The following TMEM178B variants were observed in gnomAD, a reference collection of about 807,000 sequenced individuals.
TMEM178B encodes the protein transmembrane protein 178B.
A neutral mutation model predicts 31.0 loss-of-function variants in TMEM178B; 5 were observed. The observed-to-expected ratio is 0.16, with a 90% CI of 0.08 to 0.34. TMEM178B has a LOEUF of 0.34. Ranked by LOEUF, TMEM178B falls within the 10% of genes least tolerant of loss-of-function variation. The probability of loss-of-function intolerance (pLI) is 1.00; values close to 1 mark genes in which losing one functional copy is unlikely to be tolerated. For missense variants in TMEM178B, 275 were observed against 400.3 expected, an observed-to-expected ratio of 0.69 and a Z score of 2.67; for synonymous variants, 164 against 164.0, an observed-to-expected ratio of 1.00 and a Z score of 0.00.
rs532448765 is a variant in TMEM178B at position 141,410,863 on chromosome 7, A to G, written c.497-26745A>G. 3.9e-5 allele frequency among the ~76,000 whole-genome samples: 6 copies of G among 152,356 alleles called. No homozygotes were observed. The South Asian group carries it at 8.3e-4, about 21-fold the overall frequency. ...AACTTGAAAATGATGAAGATAATCA[A>G]TTGTACTACAGTGTTGTAAAAGGCC... On this transcript the variant is annotated intron_variant, in intron 2 of 3. Coordinates refer to ENST00000565468, the MANE Select transcript of TMEM178B (RefSeq NM_001195278.2).
At chr7:141,216,462 C>CGCGT (rs1554463836) in intron 2 of TMEM178B, among the ~76,000 whole-genome samples, 1 of 94,940 alleles carries the variant, frequency 1.1e-5, no homozygotes, top group African/African-American at 3.8e-5. Flanking sequence ...CGCGCGCGCG[C>CGCGT]GTGTGTGTGT....
intron 1 of TMEM178B, among the ~76,000 whole-genome samples, chr7:141,146,392 A>G (rs1430733000): frequency 3.9e-5 from 6 of 152,204 alleles, no homozygotes; most frequent in Non-Finnish European, 8.8e-5. Flanking sequence ...AGGGTCTTGT[A>G]TTGCAAGGTG....
At chr7:141,226,159 A>G (rs1797338495) in intron 2 of TMEM178B, among the ~76,000 whole-genome samples, 5 of 152,110 alleles carry the variant, frequency 3.3e-5, no homozygotes, top group Non-Finnish European at 7.4e-5. Flanking sequence ...TTGCCAAGGA[A>G]ACTAGAAAAA....
chr7:141,170,356 T>G (rs1164213891), intron 1 of TMEM178B, among the ~76,000 whole-genome samples: 2 of 152,152 alleles, frequency 1.3e-5, no homozygotes, highest in African/African-American at 4.8e-5. Flanking sequence ...CCAAAATAGG[T>G]ATAATCCGTC....
intron 2 of TMEM178B, among the ~76,000 whole-genome samples, chr7:141,385,592 A>T (rs1000717094): frequency 2.0e-5 from 3 of 151,936 alleles, no homozygotes; most frequent in African/African-American, 7.3e-5. Context: ...AAATATTAGC[A>T]AACAGTGTTT....
At chr7:141,506,521 T>G in the TMEM178B span, among the ~76,000 whole-genome samples, 105 of 152,232 alleles carry the variant, frequency 6.9e-4, 2 homozygotes, top group East Asian at 0.015. Flanking sequence ...TTCACTATCA[T>G]GAGAATAGCA....
intron 1 of TMEM178B, among the ~76,000 whole-genome samples, chr7:141,160,458 C>T (rs1796151269): frequency 6.6e-6 from 1 of 152,160 alleles, no homozygotes; most frequent in African/African-American, 2.4e-5. Flanking sequence ...CCTCCTTGCC[C>T]CTCCTTCCCT....
At chr7:141,498,070 C>T in the TMEM178B span, among the ~76,000 whole-genome samples, 1 of 152,204 alleles carries the variant, frequency 6.6e-6, no homozygotes. Flanking sequence ...TAATACCTCA[C>T]CCTGCAATAA....
rs1802304535 is a variant in TMEM178B at position 141,473,880 on chromosome 7, A to G, written c.*3094A>G. 1 of 152,170 alleles carries G rather than the reference A, an allele frequency of 6.6e-6. No individual in the cohort carries two copies. Among genetic ancestry groups the G allele is most frequent in the African/African-American group, 2.4e-5 (1 of 41,418 alleles). 9.4% of individuals were successfully genotyped at this position (152,170 alleles called of 1,614,324 possible). A position where few individuals can be genotyped will look rare whatever the true frequency, so the allele number is the denominator to read the frequency against. Reference sequence around the variant, plus strand: ...CATAAGGGCTTGACCACAGATTAAAACATGTGACTCCAACCAGTTACGGAA... The same window carrying G: ...CATAAGGGCTTGACCACAGATTAAAGCATGTGACTCCAACCAGTTACGGAA... On this transcript the variant is annotated 3_prime_UTR_variant, in exon 4 of 4. Transcript: ENST00000565468.
intron 2 of TMEM178B, among the ~76,000 whole-genome samples, chr7:141,253,277 C>A (rs1390342665): frequency 6.6e-6 from 1 of 152,192 alleles, no homozygotes; most frequent in Non-Finnish European, 1.5e-5. Context: ...AGAATTCCTT[C>A]CTTAAACTCT....
At chr7:141,342,173 A>G (rs946433591) in intron 2 of TMEM178B, among the ~76,000 whole-genome samples, 6 of 152,036 alleles carry the variant, frequency 3.9e-5, no homozygotes, top group Admixed American at 2.6e-4. Flanking sequence ...GTCTCAAACT[A>G]CTGACCTCAG....
chr7:141,194,255 C>G (rs1315991066), intron 1 of TMEM178B, among the ~76,000 whole-genome samples: 1 of 152,152 alleles, frequency 6.6e-6, no homozygotes, highest in African/African-American at 2.4e-5. Context: ...CCCAAAAGTC[C>G]ACAGCCCAAA....
chr7:141,131,723 T>C (rs1162704932), intron 1 of TMEM178B, among the ~76,000 whole-genome samples: 1 of 152,152 alleles, frequency 6.6e-6, no homozygotes, highest in East Asian at 1.9e-4. Flanking sequence ...TTGGGTAGTT[T>C]CTAGTTTTGG....
At chr7:141,456,291 C>T (rs1196178281) in intron 3 of TMEM178B, among the ~76,000 whole-genome samples, 4 of 152,028 alleles carry the variant, frequency 2.6e-5, no homozygotes, top group Non-Finnish European at 4.4e-5. Context: ...CTGGTCCTAC[C>T]CCTGTATTTT....
chr7:141,147,066 A>G (rs371009816), intron 1 of TMEM178B, among the ~76,000 whole-genome samples: 4 of 152,202 alleles, frequency 2.6e-5, no homozygotes, highest in Admixed American at 6.5e-5. Context: ...AAGAGTGGAT[A>G]TCTACATGTG....
chr7:141,233,895 T>C (rs1797486716), intron 2 of TMEM178B, among the ~76,000 whole-genome samples: 1 of 152,228 alleles, frequency 6.6e-6, no homozygotes, highest in Admixed American at 6.5e-5. Context: ...CAGAATTACC[T>C]GAGTGGGCTT....
At position 141,350,326 on chromosome 7, in the gene TMEM178B, T is replaced by C. The variant is rs541890086; in HGVS notation, c.497-87282T>C. On this transcript the variant is annotated intron_variant, in intron 2 of 3. Transcript: ENST00000565468. ...AATCCTTGACCAGGGTTAATTTCAC[T>C]CTATGGTATATATCACTCCTGGCAT... Among the ~76,000 whole-genome samples the C allele has an allele frequency of 1.2e-3, 187 of 152,158 alleles. 4 individuals carry two copies. The South Asian group carries it at 0.038, about 31-fold the overall frequency.
chr7:141,189,459 A>G lies in TMEM178B; in HGVS notation c.383-23132A>G, dbSNP rs572336910. On this transcript the variant is annotated intron_variant, in intron 1 of 3. Coordinates refer to ENST00000565468, the MANE Select transcript of TMEM178B (RefSeq NM_001195278.2). ...GGGCAGCTTGTAGACTATTGGGTCA[A>G]TTCCTAGGTCTGGCAGCCAGGGACC... Among the ~76,000 whole-genome samples the G allele has an allele frequency of 5.9e-5, 9 of 152,324 alleles. No homozygotes were observed. The East Asian group carries it at 1.2e-3, about 20-fold the overall frequency.
intron 1 of TMEM178B, among the ~76,000 whole-genome samples, chr7:141,203,270 AAT>A (rs1796908130): frequency 6.6e-6 from 1 of 151,990 alleles, no homozygotes; most frequent in Admixed American, 6.6e-5. Flanking sequence ...CTTTTGATTT[AAT>A]CTTCCATATA....
Sources: allele counts gnomAD v4.1 joint callset (sites outside exome capture counted in the v4.1 genomes callset), GRCh38; gene constraint gnomAD v4.1.1; transcripts MANE v1.5; gene names NCBI Gene and HGNC (gene_info 2026-07-23, HGNC 2026-07-21).